Variants in CSMD3 observed in about 807,000 individuals in gnomAD.
The protein encoded by CSMD3 is CUB and sushi domain-containing protein 3.
A neutral mutation model predicts 435.2 loss-of-function variants in CSMD3; 177 were observed. The observed-to-expected ratio is 0.41, with a 90% CI of 0.36 to 0.46. The LOEUF (loss-of-function observed/expected upper bound fraction) is 0.46, where lower values mean the gene tolerates loss of function less well. CSMD3 is among the 20% of genes least tolerant of loss of function. CSMD3 has a pLI of 0.34. For missense variants in CSMD3, 4,265 were observed against 4,504.6 expected, an observed-to-expected ratio of 0.95 and a Z score of 1.52; for synonymous variants, 1,656 against 1,520.5, an observed-to-expected ratio of 1.09 and a Z score of -2.07.
chr8:112,813,722 G>T (rs2079291787), intron 12 of CSMD3, among the ~76,000 whole-genome samples: 1 of 152,170 alleles, frequency 6.6e-6, no homozygotes, highest in East Asian at 1.9e-4. Flanking sequence ...TGCAGGAAAT[G>T]AGTGAGTTTC....
chr8:112,282,686 T>C (rs1232974102), intron 58 of CSMD3, among the ~76,000 whole-genome samples: 1 of 152,028 alleles, frequency 6.6e-6, no homozygotes, highest in Non-Finnish European at 1.5e-5. Context: ...ATTTCTCCTA[T>C]CCAGACATTT....
At position 112,224,593 on chromosome 8, in the gene CSMD3, G is replaced by T; in HGVS notation, c.*178C>A. 1 of 679,282 alleles carries T rather than the reference G, an allele frequency of 1.5e-6. No individual in the cohort carries two copies. Among genetic ancestry groups the T allele is most frequent in the East Asian group, 2.7e-5 (1 of 36,522 alleles). 42.1% of individuals were successfully genotyped at this position (679,282 alleles called of 1,614,324 possible). ...GCCAAATTTCTGTAAAACTCTCCATGGTAAACATGAAGAATTATGGTCCAG... is the reference window on the plus strand; with the variant it reads ...GCCAAATTTCTGTAAAACTCTCCATTGTAAACATGAAGAATTATGGTCCAG... On this transcript the variant is annotated 3_prime_UTR_variant, in exon 71 of 71. Coordinates refer to ENST00000297405, the MANE Select transcript of CSMD3 (RefSeq NM_198123.2).
chr8:112,969,334 A>T (rs1323262286), intron 7 of CSMD3, among the ~76,000 whole-genome samples: 1 of 152,048 alleles, frequency 6.6e-6, no homozygotes, highest in Non-Finnish European at 1.5e-5. Flanking sequence ...TTTTATGCTG[A>T]ATTAACCATT....
At chr8:113,077,118 A>G (rs1412164152) in intron 5 of CSMD3, among the ~76,000 whole-genome samples, 3 of 152,172 alleles carry the variant, frequency 2.0e-5, no homozygotes, top group African/African-American at 7.2e-5. Flanking sequence ...ATATATACAC[A>G]TACACACGAG....
In CSMD3 at chr8:113,148,352, C is replaced by T. The variant is rs148084688; in HGVS notation, c.709+25370G>A. 1.3e-4 allele frequency among the ~76,000 whole-genome samples: 19 copies of T among 151,846 alleles called. No individual in the cohort carries two copies. In the East Asian group the frequency reaches 3.7e-3, roughly 30 times the overall value. On this transcript the variant is annotated intron_variant, in intron 4 of 70. Coordinates refer to ENST00000297405, the MANE Select transcript of CSMD3 (RefSeq NM_198123.2). Reference sequence around the variant, plus strand: ...ACTCTTCAAATTAAAGTCTGAAAGTCATTTCCTTCAGTTGCCTTCCACAAC... The same window carrying T: ...ACTCTTCAAATTAAAGTCTGAAAGTTATTTCCTTCAGTTGCCTTCCACAAC...
In CSMD3 at chr8:112,601,613, G is replaced by T. The variant is rs142205372; in HGVS notation, c.3716-14378C>A. On this transcript the variant is annotated intron_variant, in intron 22 of 70. Transcript: ENST00000297405. ...AAAAAGTCAGAGAATGCTTCATCAAGAAGGTAGCATTTTGGTTGCACTTTG... is the reference window on the plus strand; with the variant it reads ...AAAAAGTCAGAGAATGCTTCATCAATAAGGTAGCATTTTGGTTGCACTTTG... 5.1e-4 allele frequency among the ~76,000 whole-genome samples: 77 copies of T among 152,298 alleles called. 1 individual carries two copies. In the East Asian group the frequency reaches 0.015, roughly 29 times the overall value.
At position 113,194,322 on chromosome 8, in the gene CSMD3, A is replaced by G. The variant is rs558194324; in HGVS notation, c.515-20406T>C. 1.5e-4 allele frequency among the ~76,000 whole-genome samples: 22 copies of G among 151,426 alleles called. No individual in the cohort carries two copies. In the East Asian group the frequency reaches 3.9e-3, roughly 27 times the overall value. On this transcript the variant is annotated intron_variant, in intron 3 of 70. Coordinates refer to ENST00000297405, the MANE Select transcript of CSMD3 (RefSeq NM_198123.2). ...CATGTATTTCTGAAATGATTGATCAATTGATTTGTTTCAATTGTTAATATA... is the reference window on the plus strand; with the variant it reads ...CATGTATTTCTGAAATGATTGATCAGTTGATTTGTTTCAATTGTTAATATA...
At chr8:113,280,216 T>C (rs2093603224) in intron 2 of CSMD3, among the ~76,000 whole-genome samples, 1 of 151,906 alleles carries the variant, frequency 6.6e-6, no homozygotes, top group Non-Finnish European at 1.5e-5. Flanking sequence ...TTTCTCTGTC[T>C]TGTGGAATAG....
At chr8:112,851,479 C>A (rs973458324) in intron 11 of CSMD3, among the ~76,000 whole-genome samples, 1 of 151,898 alleles carries the variant, frequency 6.6e-6, no homozygotes, top group Non-Finnish European at 1.5e-5. Flanking sequence ...ATATAAAGGA[C>A]CTTTGAGCCG....
chr8:112,482,277 T>A (rs570006752), intron 31 of CSMD3, among the ~76,000 whole-genome samples: 2 of 152,324 alleles, frequency 1.3e-5, no homozygotes, highest in Admixed American at 1.3e-4. Flanking sequence ...AGATCTTCCA[T>A]GTTACCACAT....
intron 10 of CSMD3, among the ~76,000 whole-genome samples, chr8:112,904,026 G>A (rs1240703550): frequency 6.6e-6 from 1 of 151,306 alleles, no homozygotes; most frequent in Non-Finnish European, 1.5e-5. Context: ...CCTGGCTGAT[G>A]TAGGTCCTTC....
At chr8:113,276,403 G>A (rs1197933642) in intron 3 of CSMD3, among the ~76,000 whole-genome samples, 2 of 152,046 alleles carry the variant, frequency 1.3e-5, no homozygotes, top group African/African-American at 2.4e-5. Flanking sequence ...ATTCCAAGGT[G>A]AGGAGGATTC....
At chr8:112,996,808 T>C (rs1189651394) in intron 6 of CSMD3, among the ~76,000 whole-genome samples, 1 of 151,646 alleles carries the variant, frequency 6.6e-6, no homozygotes, top group Non-Finnish European at 1.5e-5. Flanking sequence ...TTCTAGATTA[T>C]AAAAATCAAT....
intron 3 of CSMD3, among the ~76,000 whole-genome samples, chr8:113,265,190 G>C (rs1354735913): frequency 6.6e-6 from 1 of 151,564 alleles, no homozygotes; most frequent in Non-Finnish European, 1.5e-5. Flanking sequence ...GAGAGAAAGA[G>C]CATTCAAAAA....
Position 113,386,926 on chromosome 8 carries a change from AAG to A in CSMD3, c.178+49749_178+49750del, listed in dbSNP as rs151149877. 9.9e-3 allele frequency among the ~76,000 whole-genome samples: 1,505 copies of A among 151,940 alleles called. 16 individuals are homozygous for A. The highest frequency in any genetic ancestry group is 0.035 in the African/African-American group (1,443 of 41,532). The stretch of plus-strand genomic sequence containing the variant: ...TTTACACGAAAGAGTGGCATGAAAG[AAG>A]AGAGCTTCCCGCAATGGCAATATAA... On this transcript the variant is annotated intron_variant, in intron 1 of 70. Transcript: ENST00000297405.
rs753273007 is a variant in CSMD3, at chr8:112,472,731, C to A, written c.5279-24G>T. ...CGCTAGGAAAAAATGGCAAAAATATCATTTTTAGAAAAAAGTTTTAAAAAA... is the reference window on the plus strand; with the variant it reads ...CGCTAGGAAAAAATGGCAAAAATATAATTTTTAGAAAAAAGTTTTAAAAAA... On this transcript the variant is annotated intron_variant, in intron 31 of 70. Coordinates refer to ENST00000297405, the MANE Select transcript of CSMD3 (RefSeq NM_198123.2). The A allele has an allele frequency of 2.3e-6, 3 of 1,313,934 alleles. No individual in the cohort carries two copies. In the East Asian group the frequency reaches 6.9e-5, roughly 30 times the overall value. The allele number at this position is 1,313,934 out of a possible 1,614,324, so 81.4% of individuals were successfully genotyped here. A position where few individuals can be genotyped will look rare whatever the true frequency, so the allele number is the denominator to read the frequency against.
chr8:112,622,593 T>G (rs1226057208), intron 22 of CSMD3, among the ~76,000 whole-genome samples: 1 of 152,168 alleles, frequency 6.6e-6, no homozygotes, highest in Non-Finnish European at 1.5e-5. Flanking sequence ...TGAAGACAGA[T>G]TAGGCCTTCT....
intron 6 of CSMD3, among the ~76,000 whole-genome samples, chr8:113,015,084 TA>T (rs1371766881): frequency 6.6e-6 from 1 of 152,118 alleles, no homozygotes; most frequent in African/African-American, 2.4e-5. Flanking sequence ...TGTACACAGG[TA>T]TTTATGTAAA....
intron 16 of CSMD3, among the ~76,000 whole-genome samples, chr8:112,678,372 G>A (rs1407812351): frequency 6.6e-6 from 1 of 152,078 alleles, no homozygotes; most frequent in Non-Finnish European, 1.5e-5. Context: ...ACATCCACTA[G>A]GAAGAAGTAT....
Sources: allele counts gnomAD v4.1 joint callset (sites outside exome capture counted in the v4.1 genomes callset), GRCh38; gene constraint gnomAD v4.1.1; transcripts MANE v1.5; gene names NCBI Gene and HGNC (gene_info 2026-07-23, HGNC 2026-07-21).